TWF2: variants seen among roughly 807,000 people sequenced by gnomAD.
TWF2 encodes the protein twinfilin actin binding protein 2, also known as twinfilin-2.
TWF2 carries 15 observed loss-of-function variants against 45.1 expected under a neutral mutation model. That is an observed-to-expected ratio of 0.33 (90% CI 0.22 to 0.51). The LOEUF (loss-of-function observed/expected upper bound fraction) is 0.51. TWF2 is among the 20% of genes least tolerant of loss of function. The pLI is 0.97. For missense variants in TWF2, 423 were observed against 469.1 expected (o/e 0.90, Z 0.91); for synonymous variants, 177 against 195.8 (o/e 0.90, Z 0.80).
chr3:52,236,600 G>A (rs1699728253), intron 1 of TWF2, among the ~76,000 whole-genome samples: 1 of 152,144 alleles, frequency 6.6e-6, no homozygotes, highest in African/African-American at 2.4e-5. Context: ...ATATTTATAG[G>A]GCCAGGACTG....
rs543824343 is a variant in TWF2 at position 52,231,298 on chromosome 3, G to A, written c.379-67C>T. The stretch of plus-strand genomic sequence containing the variant: ...TGGGGATTGGCTAGAGGAGGCCCAC[G>A]GAGCACGCCAGCTTGCAGCCCTTGG... On this transcript the variant is annotated intron_variant, in intron 4 of 8. Coordinates refer to ENST00000305533, the MANE Select transcript of TWF2 (RefSeq NM_007284.4). 60 of 1,588,634 alleles carry A rather than the reference G, an allele frequency of 3.8e-5. No individual in the cohort carries two copies. The East Asian group carries it at 8.1e-4, about 21-fold the overall frequency.
chr3:52,232,980 C>T (rs1269137370), intron 2 of TWF2, among the ~76,000 whole-genome samples: 5 of 152,200 alleles, frequency 3.3e-5, no homozygotes, highest in Non-Finnish European at 7.3e-5. Context: ...CATTGCACTC[C>T]AGCCTGGGCA....
rs371300057 is a variant in TWF2 at position 52,231,214 on chromosome 3, A to G, written c.396T>C (p.Ala132=). The G allele has an allele frequency of 8.7e-6, 14 of 1,613,884 alleles. No homozygotes were observed. Among genetic ancestry groups the G allele is most frequent in the Non-Finnish European group, 1.2e-5 (14 of 1,179,954 alleles). Residue 132 remains alanine (A), a synonymous_variant, in exon 5 of 9, where the codon GCT becomes GCC. Coordinates refer to ENST00000305533, the MANE Select transcript of TWF2 (RefSeq NM_007284.4). The part of the protein sequence containing the change: ...FGTVKDDLSF[A]GYQKHLSSCA... The stretch of plus-strand genomic sequence containing the variant: ...AGGACGACAGGTGTTTCTGGTACCC[A>G]GCAAAAGAGAGGTCATCCTGCAGGG...
At position 52,235,540 on chromosome 3, in the gene TWF2, TCACACACA is replaced by T. The variant is rs149768402; in HGVS notation, c.26-442_26-435del. On this transcript the variant is annotated intron_variant, in intron 1 of 8. Transcript: ENST00000305533. ...ACTGTGCAATGACCACTATGCCCATTCACACACACACACACACACACACAGCTCAATCC... is the reference window on the plus strand; with the variant it reads ...ACTGTGCAATGACCACTATGCCCATTCACACACACACACACAGCTCAATCC... 5.1e-3 allele frequency among the ~76,000 whole-genome samples: 756 copies of T among 147,922 alleles called. 8 individuals carry two copies. The highest frequency in any genetic ancestry group is 0.018 in the African/African-American group (717 of 40,598).
chr3:52,230,006 A>G lies in TWF2; in HGVS notation c.674T>C (p.Leu225Pro). ...AGCATCTCGGGGCACCCGGGAGGGC[A>G]GCTGGGCCACATCCGTGGGCTCTGT... The part of the protein sequence containing the change: ...VHTEPTDVAQ[L>P]PSRVPRDAAR... The change falls in exon 7 of 9, where the codon CTG becomes CCG. Residue 225 changes from leucine (L) to proline (P), a missense_variant. Physicochemically the swap from Leu to Pro is moderately conservative, Grantham distance 98 (BLOSUM62 -3). Transcript: ENST00000305533. 3 of 1,612,158 alleles carry G rather than the reference A, an allele frequency of 1.9e-6. No individual in the cohort carries two copies. The highest frequency in any genetic ancestry group is 1.1e-5 in the South Asian group (1 of 91,028).
In TWF2 at chr3:52,231,164, G is replaced by A. The variant is rs770001792; in HGVS notation, c.446C>T (p.Ser149Leu). The change falls in exon 5 of 9, where the codon TCG (serine) becomes TTG (leucine). Residue 149 changes from serine (S) to leucine (L), a missense_variant. Coordinates refer to ENST00000305533, the MANE Select transcript of TWF2 (RefSeq NM_007284.4). Reference sequence around the variant, plus strand: ...GATCTGCTGGAGCTCTCTCTCAGCCGAGGTCAGCGGGGCAGGTGCCGCACA... The same window carrying A: ...GATCTGCTGGAGCTCTCTCTCAGCCAAGGTCAGCGGGGCAGGTGCCGCACA... ...SSCAAPAPLT[S>L]AERELQQIRI... 1.4e-5 allele frequency: 22 copies of A among 1,613,962 alleles called. No homozygotes were observed. In the South Asian group the frequency reaches 1.5e-4, roughly 11 times the overall value.
chr3:52,232,114 C>G lies in TWF2; in HGVS notation c.112G>C (p.Val38Leu), dbSNP rs754437632. 2.5e-6 allele frequency: 4 copies of G among 1,587,838 alleles called. No homozygotes were observed. Among genetic ancestry groups the G allele is most frequent in the Non-Finnish European group, 3.4e-6 (4 of 1,167,254 alleles). Residue 38 changes from valine to leucine, a missense_variant, in exon 3 of 9, where the codon GTG becomes CTG. Coordinates refer to ENST00000305533, the MANE Select transcript of TWF2 (RefSeq NM_007284.4). ...IKVVIEDEQL[V>L]LGASQEPVGR... Reference sequence around the variant, plus strand: ...ACTGGCTCCTGCGAGGCACCCAGCACGAGCTGCTCTGGGGGCAGAGGCCGG... The same window carrying G: ...ACTGGCTCCTGCGAGGCACCCAGCAGGAGCTGCTCTGGGGGCAGAGGCCGG...
chr3:52,236,476 G>A (rs1486605507), intron 1 of TWF2, among the ~76,000 whole-genome samples: 1 of 152,162 alleles, frequency 6.6e-6, no homozygotes, highest in Non-Finnish European at 1.5e-5. Context: ...CCCATGTGGG[G>A]AAGGGCCCTG....
At chr3:52,229,300 C>A (rs1318820188) in intron 8 of TWF2, 99 bp from the exon 9 acceptor site, 1 of 1,493,116 alleles carries the variant, frequency 6.7e-7, no homozygotes. Flanking sequence ...CTCTCACATC[C>A]TAGCCCTGGG....
intron 2 of TWF2, among the ~76,000 whole-genome samples, chr3:52,233,321 C>T (rs1203904118): frequency 6.6e-6 from 1 of 152,246 alleles, no homozygotes; most frequent in Non-Finnish European, 1.5e-5. Context: ...TCCTCACCTG[C>T]CCACCCAGAA....
rs1162270434 is a variant in TWF2, at chr3:52,231,344, T to A, written c.378+100A>T. On this transcript the variant is annotated intron_variant, in intron 4 of 8. Transcript: ENST00000305533. ...CTTGGACTCCCCCAGCGCCCCCATC[T>A]TCCTCCCGAAGCTGGCACTAGCTTG... The A allele has an allele frequency of 3.2e-6, 5 of 1,573,128 alleles. No homozygotes were observed. In the African/African-American group the frequency reaches 4.1e-5, roughly 13 times the overall value.
intron 4 of TWF2, 30 bp downstream of exon 4, chr3:52,231,414 G>T (rs1349823417): frequency 2.5e-6 from 4 of 1,608,796 alleles, no homozygotes; most frequent in Non-Finnish European, 3.4e-6. Context: ...GCCCAGGATT[G>T]TGTCCCGGTA....
At chr3:52,234,681 C>T (rs1699708750) in intron 2 of TWF2, among the ~76,000 whole-genome samples, 1 of 152,242 alleles carries the variant, frequency 6.6e-6, no homozygotes, top group African/African-American at 2.4e-5. Flanking sequence ...CCACAAGGGG[C>T]AGTGCTGGAT....
At position 52,229,949 on chromosome 3, in the gene TWF2, G is replaced by A. The variant is rs1427543347; in HGVS notation, c.731C>T (p.Thr244Ile). ...AGACTCAAGGGGGTCGCCCTCATGG[G>A]TGTGCTTGTAGAGGAAGAAGTGGTA... ...ARYHFFLYKH[T>I]HEGDPLESVV... The change falls in exon 7 of 9, where the codon ACC becomes ATC. Residue 244 changes from threonine (T) to isoleucine (I), a missense_variant. Physicochemically the swap from Thr to Ile is moderately conservative, Grantham distance 89. Coordinates refer to ENST00000305533, the MANE Select transcript of TWF2 (RefSeq NM_007284.4). 6.2e-7 allele frequency: 1 copy of A among 1,613,116 alleles called. No homozygotes were observed. Among genetic ancestry groups the A allele is most frequent in the African/African-American group, 1.3e-5 (1 of 75,066 alleles).
Position 52,229,684 on chromosome 3 carries a change from A to G in TWF2, c.859T>C (p.Phe287Leu). The G allele has an allele frequency of 6.2e-7, 1 of 1,613,480 alleles. No homozygotes were observed. Reference sequence around the variant, plus strand: ...ACTTTCTTGGCGATCTCCAGATGGAAGTCCTGCTCCACGGAGTCGAGGAGG... The same window carrying G: ...ACTTTCTTGGCGATCTCCAGATGGAGGTCCTGCTCCACGGAGTCGAGGAGG... ...SRLLDSVEQD[F>L]HLEIAKKIEI... Residue 287 changes from phenylalanine (F) to leucine (L), a missense_variant, in exon 8 of 9, where the codon TTC (phenylalanine) becomes CTC (leucine). By Grantham distance (22) the Phe-to-Leu change is conservative (BLOSUM62 0). Coordinates refer to ENST00000305533, the MANE Select transcript of TWF2 (RefSeq NM_007284.4).
In TWF2 at chr3:52,229,072, G is replaced by A; in HGVS notation, c.1012C>T (p.Leu338Phe). The A allele has an allele frequency of 6.2e-7, 1 of 1,612,836 alleles. No individual in the cohort carries two copies. Among genetic ancestry groups the A allele is most frequent in the Non-Finnish European group, 8.5e-7 (1 of 1,180,016 alleles). The change falls in exon 9 of 9, where the codon CTC becomes TTC. Residue 338 changes from leucine (L) to phenylalanine (F), a missense_variant. Transcript: ENST00000305533. The stretch of plus-strand genomic sequence containing the variant: ...CCATTTTCACCCGGGCCGCGGATGA[G>A]GCGCTTATGGCCCCGCTTGCCCCCT... ...GPGGKRGHKR[L>F]IRGPGENGDD...
At chr3:52,233,447 A>G (rs1050610047) in intron 2 of TWF2, among the ~76,000 whole-genome samples, 12 of 152,254 alleles carry the variant, frequency 7.9e-5, no homozygotes, top group African/African-American at 1.9e-4. Flanking sequence ...GAAATTTTAC[A>G]TAAGAAGTAG....
In TWF2 at chr3:52,232,790, G is replaced by C. The variant is rs140991232; in HGVS notation, c.104-668C>G. Among the ~76,000 whole-genome samples, 592 of 152,326 alleles carry C rather than the reference G, an allele frequency of 3.9e-3. 5 individuals carry two copies. Among genetic ancestry groups the C allele is most frequent in the South Asian group, 0.023 (112 of 4,826 alleles). On this transcript the variant is annotated intron_variant, in intron 2 of 8. Transcript: ENST00000305533. ...CCAGCACTTTGGGAGGCAGAGGCAG[G>C]CGGATCGCCTGAGGTTGGGAGTTCG... is the stretch of plus-strand genomic sequence containing the variant.
At chr3:52,234,806 G>A (rs903912320) in intron 2 of TWF2, among the ~76,000 whole-genome samples, 1 of 152,220 alleles carries the variant, frequency 6.6e-6, no homozygotes. Flanking sequence ...TCTATTTGCT[G>A]ACCCCAGCTT....
Sources: gnomAD v4.1 joint callset for allele counts (sites outside exome capture counted in the v4.1 genomes callset) on GRCh38, gnomAD v4.1.1 for gene constraint, MANE v1.5 for transcripts, NCBI Gene and HGNC (gene_info 2026-07-23, HGNC 2026-07-21) for gene names.